Variants in BAZ2B observed in about 807,000 individuals in gnomAD.
BAZ2B encodes bromodomain adjacent to zinc finger domain 2B.
BAZ2B carries 91 observed loss-of-function variants against 246.0 expected under a neutral mutation model. The observed-to-expected ratio is 0.37, with a 90% CI of 0.31 to 0.44. The LOEUF (loss-of-function observed/expected upper bound fraction) is 0.44. Among genes scored for constraint, BAZ2B ranks in the 20% least tolerant of loss-of-function variants. BAZ2B has a pLI of 1.00. For missense variants in BAZ2B, 2,332 were observed against 2,533.7 expected, an observed-to-expected ratio of 0.92 and a Z score of 1.71; for synonymous variants, 855 against 860.0, an observed-to-expected ratio of 0.99 and a Z score of 0.10.
chr2:159,594,497 G>T (rs1472985823), intron 1 of BAZ2B, among the ~76,000 whole-genome samples: 1 of 152,138 alleles, frequency 6.6e-6, no homozygotes, highest in African/African-American at 2.4e-5. Context: ...TTTGGCAAAT[G>T]GGACTAATTT....
At position 159,433,149 on chromosome 2, in the gene BAZ2B, T is replaced by C; in HGVS notation, c.1508A>G (p.Gln503Arg). ...GGTAGTAAGTGCTAGAGGAGCTTCT[T>C]GAATGACACTTTGAATAACTCCATT... The part of the protein sequence containing the change: ...QPNGVIQSVI[Q>R]EAPLALTTKT... Residue 503 changes from glutamine (Q) to arginine (R), a missense_variant, in exon 9 of 37, where the codon CAA becomes CGA. Gln to Arg is a conservative substitution (Grantham distance 43). Coordinates refer to ENST00000392783, the MANE Select transcript of BAZ2B (RefSeq NM_013450.4). 1 of 1,614,216 alleles carries C rather than the reference T, an allele frequency of 6.2e-7. No homozygotes were observed. The highest frequency in any genetic ancestry group is 8.5e-7 in the Non-Finnish European group (1 of 1,180,014).
At chr2:159,404,387 T>C (rs2065574603) in intron 16 of BAZ2B, 1 of 151,974 alleles carries the variant, frequency 6.6e-6, no homozygotes, top group African/African-American at 2.4e-5. Context: ...TTTTTTTTTT[T>C]TGCAGTGGCA....
At chr2:159,590,187 C>CAAAAAAAAAA (rs552786270) in intron 1 of BAZ2B, among the ~76,000 whole-genome samples, 1 of 20,334 alleles carries the variant, frequency 4.9e-5, no homozygotes, top group African/African-American at 2.5e-4. Context: ...GACTCCATCT[C>CAAAAAAAAAA]AAAAAAAAAA....
chr2:159,389,523 C>A, intron 20 of BAZ2B, 38 bp from the exon 21 acceptor site: 3 of 1,501,992 alleles, frequency 2.0e-6, no homozygotes, highest in Middle Eastern at 1.8e-4. Flanking sequence ...TCTTCTTAAT[C>A]ATTATATATG....
intron 2 of BAZ2B, among the ~76,000 whole-genome samples, chr2:159,504,729 A>G (rs551527486): frequency 6.6e-6 from 1 of 152,304 alleles, no homozygotes; most frequent in South Asian, 2.1e-4. Context: ...TTCTCTCTTA[A>G]GACATATATT....
At chr2:159,591,759 A>G (rs1190769337) in intron 1 of BAZ2B, among the ~76,000 whole-genome samples, 1 of 152,176 alleles carries the variant, frequency 6.6e-6, no homozygotes, top group African/African-American at 2.4e-5. Context: ...GTCCAGATTC[A>G]TTTTCCAGCA....
chr2:159,620,962 A>G (rs1696408884), upstream of BAZ2B, among the ~76,000 whole-genome samples: 3 of 152,204 alleles, frequency 2.0e-5, 1 homozygote, highest in South Asian at 6.2e-4. Flanking sequence ...GTCCGTAAGA[A>G]TGATGGTAGA....
At chr2:159,639,978 T>C in the BAZ2B span, among the ~76,000 whole-genome samples, 784 of 151,698 alleles carry the variant, frequency 5.2e-3, 7 homozygotes, top group African/African-American at 0.018. Flanking sequence ...CCCATAAAGA[T>C]ACACATAGAC....
chr2:159,607,801 G>A (rs190397432), intron 1 of BAZ2B, among the ~76,000 whole-genome samples: 7 of 152,142 alleles, frequency 4.6e-5, no homozygotes, highest in Admixed American at 1.3e-4. Context: ...TACCTAAACC[G>A]AAGGGCCTTT....
chr2:159,630,538 CTTT>C, the BAZ2B span, among the ~76,000 whole-genome samples: 2 of 145,212 alleles, frequency 1.4e-5, no homozygotes, highest in Non-Finnish European at 1.5e-5. Context: ...ATTCTTCTCT[CTTT>C]TTTTTTTTTT....
the BAZ2B span, chr2:159,689,997 T>C: frequency 7.5e-6 from 3 of 399,770 alleles, no homozygotes; most frequent in Non-Finnish European, 4.6e-6. Flanking sequence ...ATAGAACACA[T>C]TTTGTTACAA....
chr2:159,461,103 T>C (rs1262736742), intron 3 of BAZ2B: 1 of 152,076 alleles, frequency 6.6e-6, no homozygotes, highest in East Asian at 1.9e-4. Context: ...ACTATATTAC[T>C]GAGCAAAAAC....
chr2:159,478,862 A>G (rs972220559), intron 2 of BAZ2B, 141 bp from the exon 3 acceptor site: 6 of 562,730 alleles, frequency 1.1e-5, no homozygotes, highest in Non-Finnish European at 1.3e-5. Flanking sequence ...AATATGGAGT[A>G]GATAAAAACA....
the BAZ2B span, among the ~76,000 whole-genome samples, chr2:159,629,241 T>A: frequency 1.7e-4 from 26 of 152,152 alleles, no homozygotes; most frequent in African/African-American, 6.3e-4. Flanking sequence ...GTAAATTAGT[T>A]CAACCATTGT....
intron 1 of BAZ2B, among the ~76,000 whole-genome samples, chr2:159,568,063 G>A (rs745988875): frequency 6.6e-6 from 1 of 152,136 alleles, no homozygotes; most frequent in Non-Finnish European, 1.5e-5. Context: ...ACAATTCAGT[G>A]GTTTCAGTAC....
At chr2:159,537,142 A>G (rs1038374062) in intron 2 of BAZ2B, among the ~76,000 whole-genome samples, 1 of 152,230 alleles carries the variant, frequency 6.6e-6, no homozygotes, top group Non-Finnish European at 1.5e-5. Flanking sequence ...ATACTAAGTG[A>G]AACAATCCAG....
chr2:159,400,523 C>A (rs758954495), intron 17 of BAZ2B, 76 bp downstream of exon 17: 5 of 874,066 alleles, frequency 5.7e-6, no homozygotes, highest in South Asian at 4.7e-5. Context: ...AAAACATGCA[C>A]GCAAAATATT....
the BAZ2B span, among the ~76,000 whole-genome samples, chr2:159,690,624 A>C: frequency 6.6e-6 from 1 of 152,194 alleles, no homozygotes; most frequent in Non-Finnish European, 1.5e-5. Flanking sequence ...AAGTCCGCAC[A>C]CTGTATCTTT....
intron 27 of BAZ2B, among the ~76,000 whole-genome samples, chr2:159,356,704 G>A (rs772064695): frequency 2.6e-5 from 4 of 152,184 alleles, no homozygotes; most frequent in African/African-American, 9.7e-5. Context: ...AGCAGGGGTC[G>A]ACAGACACCT....
Sources: gnomAD v4.1 joint callset for allele counts (sites outside exome capture counted in the v4.1 genomes callset) on GRCh38, gnomAD v4.1.1 for gene constraint, MANE v1.5 for transcripts, NCBI Gene and HGNC (gene_info 2026-07-23, HGNC 2026-07-21) for gene names.